SUSD4: variants seen among roughly 807,000 people sequenced by gnomAD.
The protein encoded by SUSD4 is sushi domain-containing protein 4.
SUSD4 carries 41 observed loss-of-function variants against 50.5 expected under a neutral mutation model. That is an observed-to-expected ratio of 0.81 (90% CI 0.63 to 1.05). SUSD4 has a LOEUF of 1.05. Among genes scored for constraint, SUSD4 ranks in the 50% least tolerant of loss-of-function variants. SUSD4 has a pLI of 0.00. For synonymous variants in SUSD4, 257 were observed against 257.3 expected (o/e 1.00, Z 0.01); for missense variants, 580 against 634.7 (o/e 0.91, Z 0.93).
intron 2 of SUSD4, among the ~76,000 whole-genome samples, chr1:223,350,511 A>G (rs1012067061): frequency 1.3e-5 from 2 of 152,094 alleles, no homozygotes; most frequent in East Asian, 3.9e-4. Context: ...CCAGACATCA[A>G]TCCTCTCACG....
intron 2 of SUSD4, among the ~76,000 whole-genome samples, chr1:223,297,563 C>A (rs530211612): frequency 6.6e-6 from 1 of 152,158 alleles, no homozygotes; most frequent in Admixed American, 6.5e-5. Context: ...CCTCTACCAA[C>A]GGAAAGTTTT....
intron 7 of SUSD4, among the ~76,000 whole-genome samples, chr1:223,224,773 C>T (rs1659386776): frequency 6.6e-6 from 1 of 152,070 alleles, no homozygotes; most frequent in South Asian, 2.1e-4. Flanking sequence ...ACATCACAGC[C>T]TGGGCTCCGT....
intron 2 of SUSD4, among the ~76,000 whole-genome samples, chr1:223,334,393 T>C (rs906004726): frequency 6.6e-5 from 10 of 152,016 alleles, no homozygotes; most frequent in Admixed American, 1.3e-4. Flanking sequence ...ATCCTACTTA[T>C]AGAAAATCCA....
At chr1:223,295,698 G>A in intron 2 of SUSD4, among the ~76,000 whole-genome samples, 1 of 151,948 alleles carries the variant, frequency 6.6e-6, no homozygotes, top group African/African-American at 2.4e-5. Context: ...AAGGGAAAGA[G>A]ATGAAGGCAG....
intron 3 of SUSD4, among the ~76,000 whole-genome samples, chr1:223,279,783 T>C (rs1432522816): frequency 2.7e-5 from 4 of 150,612 alleles, no homozygotes; most frequent in Admixed American, 2.7e-4. Flanking sequence ...AGACACATAA[T>C]TGTCAGATTC....
chr1:223,333,432 CAAATT>C (rs1293069357), intron 2 of SUSD4, among the ~76,000 whole-genome samples: 1 of 151,796 alleles, frequency 6.6e-6, no homozygotes, highest in East Asian at 1.9e-4. Context: ...TTTTCTGAAA[CAAATT>C]AAAATTAGTG....
intron 2 of SUSD4, among the ~76,000 whole-genome samples, chr1:223,322,477 G>C (rs1666629973): frequency 6.6e-6 from 1 of 152,140 alleles, no homozygotes; most frequent in Admixed American, 6.5e-5. Context: ...AATGAATTTA[G>C]GACATTGTGC....
intron 3 of SUSD4, among the ~76,000 whole-genome samples, chr1:223,279,078 C>A (rs976213746): frequency 3.9e-5 from 6 of 152,138 alleles, no homozygotes; most frequent in African/African-American, 1.4e-4. Context: ...CTGTACGTCA[C>A]CATCATCAAA....
intron 2 of SUSD4, among the ~76,000 whole-genome samples, chr1:223,352,747 G>A (rs1572124595): frequency 6.6e-6 from 1 of 152,154 alleles, no homozygotes; most frequent in Non-Finnish European, 1.5e-5. Flanking sequence ...GGAGGTGAGA[G>A]GAGGCAGTCA....
chr1:223,283,395 A>G (rs958904798), intron 3 of SUSD4, among the ~76,000 whole-genome samples: 2 of 152,248 alleles, frequency 1.3e-5, no homozygotes. Flanking sequence ...GAAAAAAACA[A>G]ACAACCTCAT....
chr1:223,357,995 T>C (rs1471749014), intron 2 of SUSD4, among the ~76,000 whole-genome samples: 1 of 152,208 alleles, frequency 6.6e-6, no homozygotes, highest in African/African-American at 2.4e-5. Flanking sequence ...AAACAGCAAA[T>C]GAGCTTTCAA....
intron 2 of SUSD4, among the ~76,000 whole-genome samples, chr1:223,314,392 A>C (rs758030189): frequency 1.3e-5 from 2 of 152,188 alleles, no homozygotes; most frequent in Non-Finnish European, 2.9e-5. Context: ...AACTTGTGTC[A>C]CATCTAAGAC....
intron 2 of SUSD4, among the ~76,000 whole-genome samples, chr1:223,354,363 C>T (rs1047805147): frequency 1.3e-5 from 2 of 151,594 alleles, no homozygotes; most frequent in South Asian, 2.1e-4. Context: ...AAGAACACCT[C>T]GCATCCACAA....
intron 3 of SUSD4, among the ~76,000 whole-genome samples, chr1:223,278,223 C>G (rs1663419354): frequency 6.6e-6 from 1 of 152,064 alleles, no homozygotes; most frequent in Non-Finnish European, 1.5e-5. Context: ...GGGGGTAGGA[C>G]AGTGGGTGCA....
intron 2 of SUSD4, among the ~76,000 whole-genome samples, chr1:223,316,664 G>A (rs1470577523): frequency 3.3e-5 from 5 of 152,140 alleles, no homozygotes; most frequent in Non-Finnish European, 7.4e-5. Context: ...GCCCAGTGGA[G>A]GGCAAAAGGG....
chr1:223,312,188 A>T (rs1665916750), intron 2 of SUSD4, among the ~76,000 whole-genome samples: 1 of 152,198 alleles, frequency 6.6e-6, no homozygotes, highest in African/African-American at 2.4e-5. Context: ...CCAGATATTC[A>T]TACCTTGAGC....
intron 5 of SUSD4, among the ~76,000 whole-genome samples, chr1:223,257,310 C>T (rs1460280622): frequency 2.6e-5 from 4 of 152,022 alleles, no homozygotes. Context: ...TTGAGACCAG[C>T]CTGGGCAAAA....
intron 2 of SUSD4, among the ~76,000 whole-genome samples, chr1:223,356,899 G>C (rs1330929837): frequency 6.6e-6 from 1 of 152,186 alleles, no homozygotes; most frequent in Admixed American, 6.5e-5. Context: ...TGGCGATACA[G>C]CTAAAAACAT....
In SUSD4 at chr1:223,357,938, T is replaced by C. The variant is rs918238338; in HGVS notation, c.148+5340A>G. ...CTCAATTCAGAGGCAATGATCCCAATGATCTATTTAGACATACTGTTACTA... is the reference window on the plus strand; with the variant it reads ...CTCAATTCAGAGGCAATGATCCCAACGATCTATTTAGACATACTGTTACTA... On this transcript the variant is annotated intron_variant, in intron 2 of 8. Transcript: ENST00000366878. Among the ~76,000 whole-genome samples the C allele has an allele frequency of 3.9e-5, 6 of 152,198 alleles. No homozygotes were observed. In the East Asian group the frequency reaches 5.8e-4, roughly 15 times the overall value.
Sources: allele counts gnomAD v4.1 joint callset (sites outside exome capture counted in the v4.1 genomes callset), GRCh38; gene constraint gnomAD v4.1.1; transcripts MANE v1.5; gene names NCBI Gene and HGNC (gene_info 2026-07-23, HGNC 2026-07-21).